The following KCNMB2 variants were observed in gnomAD, a reference collection of about 807,000 sequenced individuals.
KCNMB2 encodes potassium calcium-activated channel subfamily M regulatory beta subunit 2, also known as calcium-activated potassium channel subunit beta-2.
A neutral mutation model predicts 24.5 loss-of-function variants in KCNMB2; 9 were observed. The ratio of observed to expected loss-of-function variants is 0.37; its 90% CI spans 0.22 to 0.64. The LOEUF (loss-of-function observed/expected upper bound fraction) is 0.64. Among genes scored for constraint, KCNMB2 ranks in the 30% least tolerant of loss-of-function variants. The pLI, the probability that KCNMB2 is intolerant of heterozygous loss-of-function variation, is 0.63. For missense variants in KCNMB2, 226 were observed against 284.3 expected (o/e 0.79, Z 1.47); for synonymous variants, 109 against 104.4 (o/e 1.04, Z -0.27).
intron 1 of KCNMB2, among the ~76,000 whole-genome samples, chr3:178,688,849 C>T (rs1721564084): frequency 6.6e-6 from 1 of 152,070 alleles, no homozygotes; most frequent in African/African-American, 2.4e-5. Flanking sequence ...GGTAAACGTT[C>T]TCATATTTCT....
intron 1 of KCNMB2, among the ~76,000 whole-genome samples, chr3:178,761,662 G>C (rs1560011060): frequency 1.3e-5 from 2 of 152,148 alleles, no homozygotes. Flanking sequence ...CACAGTAAAA[G>C]AGTCCTTTAT....
chr3:178,697,885 T>C (rs1295866032), intron 1 of KCNMB2, among the ~76,000 whole-genome samples: 1 of 114,078 alleles, frequency 8.8e-6, no homozygotes, highest in Non-Finnish European at 1.8e-5. Context: ...GGATATGAAA[T>C]TCTGGGTTAA....
chr3:178,744,060 T>C (rs767623203), intron 1 of KCNMB2, among the ~76,000 whole-genome samples: 8 of 152,202 alleles, frequency 5.3e-5, no homozygotes, highest in Non-Finnish European at 1.2e-4. Context: ...AGAAGTTAAA[T>C]CTTTTTTTAA....
At chr3:178,830,332 T>C (rs888724369) in intron 4 of KCNMB2, among the ~76,000 whole-genome samples, 2 of 152,172 alleles carry the variant, frequency 1.3e-5, no homozygotes, top group African/African-American at 4.8e-5. Flanking sequence ...TGTATGAGTA[T>C]GTCTGTTTAT....
intron 1 of KCNMB2, among the ~76,000 whole-genome samples, chr3:178,733,732 GC>G (rs1244387519): frequency 1.3e-5 from 2 of 152,030 alleles, no homozygotes; most frequent in Non-Finnish European, 2.9e-5. Flanking sequence ...ACCCGCCTCG[GC>G]CCCCCAAAGT....
At chr3:178,590,098 T>G (rs1434715431) in intron 1 of KCNMB2, among the ~76,000 whole-genome samples, 1 of 152,198 alleles carries the variant, frequency 6.6e-6, no homozygotes, top group African/African-American at 2.4e-5. Flanking sequence ...GACTAAAATG[T>G]TATTCCATTG....
intron 1 of KCNMB2, among the ~76,000 whole-genome samples, chr3:178,725,961 G>A (rs1455099024): frequency 1.3e-5 from 2 of 151,170 alleles, no homozygotes; most frequent in African/African-American, 2.4e-5. Context: ...TATGAATTTA[G>A]CTCTCCCATT....
At chr3:178,716,100 GTTC>G (rs2108353864) in intron 1 of KCNMB2, among the ~76,000 whole-genome samples, 1 of 152,314 alleles carries the variant, frequency 6.6e-6, no homozygotes, top group African/African-American at 2.4e-5. Context: ...ACTCCCAGTG[GTTC>G]TTCTGAATTA....
chr3:178,620,200 T>A (rs1291647913), intron 1 of KCNMB2, among the ~76,000 whole-genome samples: 3 of 152,082 alleles, frequency 2.0e-5, no homozygotes, highest in Admixed American at 1.3e-4. Context: ...GAACATACGA[T>A]TATAATGAAA....
intron 1 of KCNMB2, among the ~76,000 whole-genome samples, chr3:178,788,769 A>C (rs1020074134): frequency 1.3e-5 from 2 of 152,190 alleles, no homozygotes; most frequent in African/African-American, 4.8e-5. Flanking sequence ...TGCAAAACTT[A>C]TTTTATTATT....
At chr3:178,791,545 CAGAT>C (rs1203270383) in intron 1 of KCNMB2, among the ~76,000 whole-genome samples, 5 of 152,038 alleles carry the variant, frequency 3.3e-5, no homozygotes, top group Middle Eastern at 3.4e-3. Context: ...GGCAGAAAAA[CAGAT>C]AGAGTAGAAA....
chr3:178,817,404 G>A (rs1714452535), intron 2 of KCNMB2, among the ~76,000 whole-genome samples: 1 of 151,998 alleles, frequency 6.6e-6, no homozygotes, highest in Non-Finnish European at 1.5e-5. Flanking sequence ...TTAAGATGAG[G>A]ATATATGTAA....
chr3:178,607,589 A>G (rs1314852899), intron 1 of KCNMB2, among the ~76,000 whole-genome samples: 1 of 151,954 alleles, frequency 6.6e-6, no homozygotes, highest in Non-Finnish European at 1.5e-5. Flanking sequence ...GCAATTGTCA[A>G]TTTAATTAGC....
intron 1 of KCNMB2, among the ~76,000 whole-genome samples, chr3:178,689,569 G>T (rs1304287291): frequency 6.6e-6 from 1 of 152,176 alleles, no homozygotes; most frequent in African/African-American, 2.4e-5. Context: ...CCAGGAGGAG[G>T]AGCTTGTAGT....
intron 2 of KCNMB2, among the ~76,000 whole-genome samples, chr3:178,809,941 A>G (rs1354382352): frequency 6.6e-6 from 1 of 152,244 alleles, no homozygotes; most frequent in Non-Finnish European, 1.5e-5. Context: ...GCCAAAAAAT[A>G]CAAGCAATAG....
intron 1 of KCNMB2, among the ~76,000 whole-genome samples, chr3:178,773,886 ACTGT>A (rs1712475528): frequency 6.6e-6 from 1 of 152,200 alleles, no homozygotes; most frequent in South Asian, 2.1e-4. Context: ...TGCTTCAGTT[ACTGT>A]CTTAGTCCAT....
At chr3:178,746,450 C>G (rs1723671670) in intron 1 of KCNMB2, among the ~76,000 whole-genome samples, 1 of 152,152 alleles carries the variant, frequency 6.6e-6, no homozygotes, top group Non-Finnish European at 1.5e-5. Context: ...ACAAAAGGGG[C>G]TGCTGTGAAG....
intron 1 of KCNMB2, among the ~76,000 whole-genome samples, chr3:178,793,754 A>G (rs1485978850): frequency 6.6e-6 from 1 of 152,114 alleles, no homozygotes; most frequent in East Asian, 1.9e-4. Flanking sequence ...CAAGCCAGCT[A>G]CCTCATCTCT....
chr3:178,655,138 C>CTCTCTCTCTCTCTCTCTA (rs1720285695), intron 1 of KCNMB2, among the ~76,000 whole-genome samples: 1 of 137,814 alleles, frequency 7.3e-6, no homozygotes, highest in African/African-American at 2.9e-5. Flanking sequence ...CTCTCTCTCT[C>CTCTCTCTCTCTCTCTCTA]TCTCTATCTC....
Sources: gnomAD v4.1 joint callset for allele counts (sites outside exome capture counted in the v4.1 genomes callset) on GRCh38, gnomAD v4.1.1 for gene constraint, MANE v1.5 for transcripts, NCBI Gene and HGNC (gene_info 2026-07-23, HGNC 2026-07-21) for gene names.